Variants in CACNA2D3 observed in about 807,000 individuals in gnomAD.
CACNA2D3 encodes the protein calcium voltage-gated channel auxiliary subunit alpha2delta 3, also known as voltage-dependent calcium channel subunit alpha-2/delta-3.
A neutral mutation model predicts 160.6 loss-of-function variants in CACNA2D3; 60 were observed. The observed-to-expected ratio is 0.37, with a 90% CI of 0.30 to 0.46. The LOEUF (loss-of-function observed/expected upper bound fraction) is 0.46, where lower values mean the gene tolerates loss of function less well. CACNA2D3 is among the 20% of genes least tolerant of loss of function. The pLI is 1.00. For synonymous variants in CACNA2D3, 558 were observed against 492.9 expected (o/e 1.13, Z -1.75); for missense variants, 1,205 against 1,365.0 (o/e 0.88, Z 1.85).
At chr3:54,846,895 G>A (rs972430955) in intron 17 of CACNA2D3, among the ~76,000 whole-genome samples, 1 of 152,178 alleles carries the variant, frequency 6.6e-6, no homozygotes, top group Non-Finnish European at 1.5e-5. Context: ...TTATTACAAT[G>A]GGATTTGCCC....
intron 14 of CACNA2D3, among the ~76,000 whole-genome samples, chr3:54,820,268 A>G (rs1703560553): frequency 6.6e-6 from 1 of 152,116 alleles, no homozygotes; most frequent in Admixed American, 6.5e-5. Flanking sequence ...ACTTATTTAA[A>G]TCTCTTGGCT....
At chr3:54,682,471 T>C (rs1434402049) in intron 11 of CACNA2D3, among the ~76,000 whole-genome samples, 1 of 151,796 alleles carries the variant, frequency 6.6e-6, no homozygotes, top group Non-Finnish European at 1.5e-5. Flanking sequence ...ACTAAAAATA[T>C]AAAAATTAGC....
chr3:54,974,766 T>C (rs7620719), intron 29 of CACNA2D3, among the ~76,000 whole-genome samples: 6,734 of 152,282 alleles, frequency 0.044, 484 homozygotes, highest in African/African-American at 0.15. Flanking sequence ...AAGGTAGTTG[T>C]GGAGTAGGTG....
chr3:54,355,708 G>GC (rs1698636703), intron 3 of CACNA2D3, among the ~76,000 whole-genome samples: 2 of 152,186 alleles, frequency 1.3e-5, no homozygotes, highest in Admixed American at 1.3e-4. Flanking sequence ...TGAGGCCTAA[G>GC]CCCAGGGCAG....
At chr3:54,906,550 A>G (rs1330067291) in intron 27 of CACNA2D3, among the ~76,000 whole-genome samples, 2 of 152,188 alleles carry the variant, frequency 1.3e-5, no homozygotes, top group Non-Finnish European at 2.9e-5. Flanking sequence ...ACCTGCAATG[A>G]GATTCCTCAT....
At chr3:55,001,724 G>C (rs1702982810) in intron 31 of CACNA2D3, among the ~76,000 whole-genome samples, 1 of 152,192 alleles carries the variant, frequency 6.6e-6, no homozygotes, top group Admixed American at 6.5e-5. Flanking sequence ...CTGTTGTAAG[G>C]ATCTTAACAA....
chr3:54,626,393 G>A (rs541291856), intron 9 of CACNA2D3: 1 of 1,571,170 alleles, frequency 6.4e-7, no homozygotes, highest in Non-Finnish European at 8.6e-7. Flanking sequence ...AAGTGCCTGC[G>A]CAAGGCCAAG....
At chr3:54,862,711 A>G (rs916617365) in intron 17 of CACNA2D3, among the ~76,000 whole-genome samples, 5 of 152,144 alleles carry the variant, frequency 3.3e-5, no homozygotes, top group Admixed American at 2.6e-4. Context: ...GTGACAGGAT[A>G]TGAGTCAATG....
chr3:54,803,886 G>A (rs1328261232), intron 13 of CACNA2D3, among the ~76,000 whole-genome samples: 1 of 152,208 alleles, frequency 6.6e-6, no homozygotes, highest in Non-Finnish European at 1.5e-5. Context: ...CCAGAAGAGA[G>A]TGGGGGCCAA....
intron 2 of CACNA2D3, among the ~76,000 whole-genome samples, chr3:54,262,775 G>A (rs997422651): frequency 1.8e-4 from 27 of 152,198 alleles, no homozygotes; most frequent in Non-Finnish European, 3.7e-4. Flanking sequence ...AGTAATTATG[G>A]TTTCCTCCTT....
At chr3:54,938,001 GCTT>G (rs1195090787) in intron 27 of CACNA2D3, among the ~76,000 whole-genome samples, 2 of 152,338 alleles carry the variant, frequency 1.3e-5, no homozygotes, top group East Asian at 1.9e-4. Flanking sequence ...CCCTCAGTAT[GCTT>G]CTCAGAGGAG....
intron 2 of CACNA2D3, among the ~76,000 whole-genome samples, chr3:54,201,361 A>G (rs1362888832): frequency 6.6e-6 from 1 of 152,236 alleles, no homozygotes; most frequent in Admixed American, 6.5e-5. Context: ...ATGATGGGAA[A>G]GCTTGGCTTA....
chr3:54,945,816 A>T (rs191839960), intron 27 of CACNA2D3, among the ~76,000 whole-genome samples: 23 of 152,326 alleles, frequency 1.5e-4, no homozygotes, highest in African/African-American at 5.5e-4. Flanking sequence ...GGTTTGCAGC[A>T]TGCAGAGAAG....
chr3:54,686,885 A>T (rs957193364), intron 11 of CACNA2D3, among the ~76,000 whole-genome samples: 2 of 152,144 alleles, frequency 1.3e-5, no homozygotes, highest in Admixed American at 6.6e-5. Context: ...TATCAGGTGT[A>T]AATATGGTTA....
chr3:54,843,084 C>G (rs796522053), intron 16 of CACNA2D3, among the ~76,000 whole-genome samples: 4 of 151,642 alleles, frequency 2.6e-5, no homozygotes, highest in African/African-American at 9.7e-5. Flanking sequence ...GCCTCAGCCT[C>G]CCGAGTAGCT....
chr3:54,955,378 T>C (rs1701861826), intron 27 of CACNA2D3, among the ~76,000 whole-genome samples: 1 of 152,118 alleles, frequency 6.6e-6, no homozygotes, highest in Admixed American at 6.5e-5. Context: ...CCCACTCTCT[T>C]CTCTGGTCAT....
chr3:54,372,093 T>C (rs747153227), intron 3 of CACNA2D3, among the ~76,000 whole-genome samples: 2 of 152,214 alleles, frequency 1.3e-5, no homozygotes, highest in African/African-American at 2.4e-5. Context: ...CAGAGATGGC[T>C]TTGTGGGCCT....
chr3:54,461,676 T>C (rs1404797375), intron 4 of CACNA2D3, among the ~76,000 whole-genome samples: 2 of 151,902 alleles, frequency 1.3e-5, no homozygotes, highest in African/African-American at 2.4e-5. Flanking sequence ...TTTTTTTCTT[T>C]ATTAGTCTTG....
intron 11 of CACNA2D3, among the ~76,000 whole-genome samples, chr3:54,664,650 C>G (rs1700031381): frequency 6.6e-6 from 1 of 152,226 alleles, no homozygotes; most frequent in Non-Finnish European, 1.5e-5. Context: ...TTTTCCCTTT[C>G]TTTTCACAAA....
Sources: allele counts gnomAD v4.1 joint callset (sites outside exome capture counted in the v4.1 genomes callset), GRCh38; gene constraint gnomAD v4.1.1; transcripts MANE v1.5; gene names NCBI Gene and HGNC (gene_info 2026-07-23, HGNC 2026-07-21).